Variants in CELF4 observed in about 807,000 individuals in gnomAD.
The protein encoded by CELF4 is CUGBP Elav-like family member 4.
A neutral mutation model predicts 59.9 loss-of-function variants in CELF4; 18 were observed. The ratio of observed to expected loss-of-function variants is 0.30; its 90% CI spans 0.21 to 0.45. CELF4 has a LOEUF of 0.45. Among genes scored for constraint, CELF4 ranks in the 20% least tolerant of loss-of-function variants. The probability of loss-of-function intolerance (pLI) is 1.00; values close to 1 mark genes in which losing one functional copy is unlikely to be tolerated. For synonymous variants in CELF4, 261 were observed against 267.1 expected (o/e 0.98, Z 0.22); for missense variants, 456 against 689.0 (o/e 0.66, Z 3.79).
intron 11 of CELF4, among the ~76,000 whole-genome samples, chr18:37,255,576 T>A (rs970720714): frequency 6.6e-6 from 1 of 150,964 alleles, no homozygotes; most frequent in African/African-American, 2.4e-5. Context: ...CCTCAGCCCC[T>A]CCTGGCCCGT....
chr18:37,320,648 C>T (rs17682147), intron 3 of CELF4, among the ~76,000 whole-genome samples: 32,480 of 152,146 alleles, frequency 0.21, 3,513 homozygotes, highest in Non-Finnish European at 0.22. Flanking sequence ...TCGGAGCCTC[C>T]GTTTGGCCCC....
intron 2 of CELF4, among the ~76,000 whole-genome samples, chr18:37,484,786 G>A (rs897265841): frequency 1.3e-5 from 2 of 152,194 alleles, no homozygotes; most frequent in African/African-American, 4.8e-5. Flanking sequence ...TCCCTGCAGT[G>A]TCCATTGTAT....
At chr18:37,548,611 C>T (rs1434073363) in intron 1 of CELF4, among the ~76,000 whole-genome samples, 1 of 152,172 alleles carries the variant, frequency 6.6e-6, no homozygotes, top group Non-Finnish European at 1.5e-5. Flanking sequence ...GATAGGGGTG[C>T]TGGCCCTTAA....
At chr18:37,372,174 G>A (rs891147151) in intron 2 of CELF4, among the ~76,000 whole-genome samples, 21 of 152,126 alleles carry the variant, frequency 1.4e-4, no homozygotes, top group African/African-American at 4.3e-4. Flanking sequence ...ATAAAGACAC[G>A]TGCACACGTA....
intron 2 of CELF4, among the ~76,000 whole-genome samples, chr18:37,346,721 G>T (rs1474718512): frequency 2.6e-5 from 4 of 152,160 alleles, no homozygotes; most frequent in Non-Finnish European, 5.9e-5. Flanking sequence ...AGGAGTAGGT[G>T]GAAGGGGTTT....
rs2061462070 is a variant in CELF4 at position 37,244,761 on chromosome 18, G to A, written c.*481C>T. 6.6e-6 allele frequency: 1 copy of A among 152,548 alleles called. No individual in the cohort carries two copies. The highest frequency in any genetic ancestry group is 2.1e-4 in the South Asian group (1 of 4,826). 9.4% of individuals were successfully genotyped at this position (152,548 alleles called of 1,614,324 possible). A position where few individuals can be genotyped will look rare whatever the true frequency, so the allele number is the denominator to read the frequency against. On this transcript the variant is annotated 3_prime_UTR_variant, in exon 13 of 13. Coordinates refer to ENST00000420428, the MANE Select transcript of CELF4 (RefSeq NM_020180.4). ...TAAATAGCTAAAGGAATGACAGATA[G>A]AGATGCTCAGTGGCGGCCTCTCAGC... is the stretch of plus-strand genomic sequence containing the variant.
chr18:37,274,477 G>A, intron 5 of CELF4, 23 bp from the exon 6 acceptor site: 2 of 1,611,644 alleles, frequency 1.2e-6, no homozygotes, highest in Non-Finnish European at 1.7e-6. Context: ...CGGCGCGTGA[G>A]ACCCACCTGC....
chr18:37,279,038 C>T (rs2093770574), intron 3 of CELF4, among the ~76,000 whole-genome samples: 1 of 152,160 alleles, frequency 6.6e-6, no homozygotes, highest in African/African-American at 2.4e-5. Flanking sequence ...CCACCCTCCT[C>T]CTCCATCCAC....
At chr18:37,342,587 A>T (rs913498391) in intron 2 of CELF4, among the ~76,000 whole-genome samples, 3 of 152,126 alleles carry the variant, frequency 2.0e-5, no homozygotes, top group African/African-American at 7.2e-5. Flanking sequence ...AAACAGCTCC[A>T]CTGGGCCTCA....
intron 3 of CELF4, among the ~76,000 whole-genome samples, chr18:37,318,273 C>T (rs970280100): frequency 6.6e-6 from 1 of 151,798 alleles, no homozygotes; most frequent in Non-Finnish European, 1.5e-5. Context: ...TTCAAGGCCT[C>T]GCTCCCCCTC....
intron 2 of CELF4, among the ~76,000 whole-genome samples, chr18:37,354,114 T>C (rs897723415): frequency 1.3e-5 from 2 of 152,080 alleles, no homozygotes; most frequent in Non-Finnish European, 2.9e-5. Flanking sequence ...TTTTACTTTT[T>C]TCCCTTAGGA....
At chr18:37,562,572 A>C (rs2099986891) in intron 1 of CELF4, among the ~76,000 whole-genome samples, 1 of 152,186 alleles carries the variant, frequency 6.6e-6, no homozygotes, top group African/African-American at 2.4e-5. Context: ...GTCAATTTAG[A>C]GATGGGGAAA....
chr18:37,480,697 G>C (rs1217440758), intron 2 of CELF4, among the ~76,000 whole-genome samples: 3 of 152,142 alleles, frequency 2.0e-5, no homozygotes, highest in Non-Finnish European at 2.9e-5. Context: ...TGGATGTCAG[G>C]GTTGAGGTGG....
At chr18:37,368,266 G>A (rs2098813576) in intron 2 of CELF4, among the ~76,000 whole-genome samples, 1 of 152,096 alleles carries the variant, frequency 6.6e-6, no homozygotes, top group Non-Finnish European at 1.5e-5. Context: ...GGAGGAATCT[G>A]CCATCTGACC....
intron 1 of CELF4, among the ~76,000 whole-genome samples, chr18:37,511,378 A>G (rs2099944147): frequency 1.3e-5 from 2 of 152,048 alleles, no homozygotes; most frequent in Admixed American, 1.3e-4. Flanking sequence ...TCCCCTGCAC[A>G]AGGCTCTAGC....
chr18:37,253,906 G>C lies in CELF4; in HGVS notation c.1366C>G (p.Gln456Glu), dbSNP rs1337711304. The change falls in exon 12 of 13, where the codon CAG becomes GAG. Residue 456 changes from glutamine (Q) to glutamate (E), a missense_variant. This residue lies in a region of CELF4 where 256 missense variants were observed against 340.8 expected (regional missense o/e 0.75). Transcript: ENST00000420428. The surrounding 1 kb of genome is among the most constrained non-coding windows in gnomAD (Gnocchi z 4.5). ...FVSFDNPASA[Q>E]TAIQAMNGFQ... ...CCGTTCATGGCCTGGATGGCGGTCT[G>C]CGCGCTGGCCGGGTTGTCGAAGCTC... 1 of 1,608,218 alleles carries C rather than the reference G, an allele frequency of 6.2e-7. No homozygotes were observed. The highest frequency in any genetic ancestry group is 8.5e-7 in the Non-Finnish European group (1 of 1,177,686).
Position 37,422,479 on chromosome 18 carries a change from A to C in CELF4, c.369+63046T>G, listed in dbSNP as rs118062370. ...TTCTTAATGCAACACTCAAAAAGCA[A>C]AGTCAGCCCTGCAAGTGTCAGGAAT... On this transcript the variant is annotated intron_variant, in intron 2 of 12. Transcript: ENST00000420428. 5.9e-3 allele frequency among the ~76,000 whole-genome samples: 905 copies of C among 152,320 alleles called. 4 individuals carry two copies. Among genetic ancestry groups the C allele is most frequent in the Non-Finnish European group, 9.5e-3 (646 of 68,026 alleles).
chr18:37,396,426 A>G (rs1231934247), intron 2 of CELF4, among the ~76,000 whole-genome samples: 1 of 152,198 alleles, frequency 6.6e-6, no homozygotes, highest in Non-Finnish European at 1.5e-5. Flanking sequence ...ACATGTCTCA[A>G]GATGGTAGAT....
intron 2 of CELF4, among the ~76,000 whole-genome samples, chr18:37,362,625 T>C (rs1283559495): frequency 6.8e-6 from 1 of 146,740 alleles, no homozygotes; most frequent in African/African-American, 2.4e-5. Context: ...TGCTCTGGAC[T>C]TCTCCATGGG....
Sources: gnomAD v4.1 joint callset for allele counts (sites outside exome capture counted in the v4.1 genomes callset) on GRCh38, gnomAD v4.1.1 for gene constraint, gnomAD v4.1.1 regional missense constraint, Gnocchi (gnomAD v3.1) non-coding constraint, MANE v1.5 for transcripts, NCBI Gene and HGNC (gene_info 2026-07-23, HGNC 2026-07-21) for gene names.